ABLIM1: variants seen among roughly 807,000 people sequenced by gnomAD.
The protein encoded by ABLIM1 is actin-binding LIM protein 1.
In ABLIM1, 40 loss-of-function variants were observed where a neutral mutation model predicts 107.0. That is an observed-to-expected ratio of 0.37 (90% confidence interval 0.29 to 0.49). The LOEUF (loss-of-function observed/expected upper bound fraction) is 0.49, where lower values mean the gene tolerates loss of function less well. ABLIM1 is among the 20% of genes least tolerant of loss of function. The probability of loss-of-function intolerance (pLI) is 0.97; values close to 1 mark genes in which losing one functional copy is unlikely to be tolerated. For missense variants in ABLIM1, 857 were observed against 1,008.5 expected, an observed-to-expected ratio of 0.85 and a Z score of 2.04; for synonymous variants, 357 against 357.3, an observed-to-expected ratio of 1.00 and a Z score of 0.01.
intron 1 of ABLIM1, among the ~76,000 whole-genome samples, chr10:114,615,109 T>C (rs2077048300): frequency 6.6e-6 from 1 of 151,842 alleles, no homozygotes; most frequent in East Asian, 1.9e-4. Context: ...CTTCAAATAG[T>C]GTGGACTGTC....
At chr10:114,654,475 T>A (rs1293902095) in intron 1 of ABLIM1, among the ~76,000 whole-genome samples, 1 of 152,130 alleles carries the variant, frequency 6.6e-6, no homozygotes. Flanking sequence ...ATTTTTATCT[T>A]TTTTTACAAT....
chr10:114,530,003 G>T (rs926808358), intron 6 of ABLIM1, among the ~76,000 whole-genome samples: 1 of 152,190 alleles, frequency 6.6e-6, no homozygotes, highest in Non-Finnish European at 1.5e-5. Context: ...CTCCATTGTG[G>T]ATGCCAAGAG....
chr10:114,651,391 A>G (rs187304259), intron 1 of ABLIM1, among the ~76,000 whole-genome samples: 56 of 152,278 alleles, frequency 3.7e-4, no homozygotes, highest in Non-Finnish European at 5.9e-4. Flanking sequence ...GGCAAGAGGT[A>G]AGATCAGGCC....
At chr10:114,673,110 T>C (rs1430334418) in intron 1 of ABLIM1, among the ~76,000 whole-genome samples, 1 of 151,762 alleles carries the variant, frequency 6.6e-6, no homozygotes, top group Non-Finnish European at 1.5e-5. Flanking sequence ...ATACAAAAAT[T>C]AGCCAGTCGT....
intron 9 of ABLIM1, among the ~76,000 whole-genome samples, chr10:114,473,581 AT>A (rs1292259548): frequency 7.3e-6 from 1 of 137,452 alleles, no homozygotes; most frequent in African/African-American, 2.5e-5. Context: ...TCTATATGCA[AT>A]TTAGGTGCAA....
At chr10:114,568,300 G>T (rs2071101641) in intron 4 of ABLIM1, among the ~76,000 whole-genome samples, 1 of 151,656 alleles carries the variant, frequency 6.6e-6, no homozygotes, top group African/African-American at 2.4e-5. Context: ...TTAATACCTA[G>T]GTGATGGGTT....
chr10:114,463,036 C>T (rs763822340), intron 12 of ABLIM1: 2 of 1,329,866 alleles, frequency 1.5e-6, no homozygotes, highest in South Asian at 2.4e-5. Flanking sequence ...GAGAAACCTG[C>T]CTCCTTACCT....
chr10:114,726,892 G>A (rs1406939612), intron 1 of ABLIM1, among the ~76,000 whole-genome samples: 1 of 152,130 alleles, frequency 6.6e-6, no homozygotes, highest in African/African-American at 2.4e-5. Context: ...CCAACAATGG[G>A]GGCTACATTT....
At chr10:114,517,007 T>C (rs534622623) in intron 6 of ABLIM1, among the ~76,000 whole-genome samples, 25 of 152,278 alleles carry the variant, frequency 1.6e-4, no homozygotes, top group Admixed American at 1.6e-3. Flanking sequence ...TTTTTTGTTG[T>C]TGCTTTTTAT....
intron 1 of ABLIM1, among the ~76,000 whole-genome samples, chr10:114,710,202 T>G (rs1010560436): frequency 5.9e-5 from 9 of 152,210 alleles, no homozygotes; most frequent in Admixed American, 2.6e-4. Flanking sequence ...ATCAGAATTG[T>G]ATTACAGTGC....
chr10:114,608,548 A>C (rs1488645903), intron 1 of ABLIM1, among the ~76,000 whole-genome samples: 2 of 151,700 alleles, frequency 1.3e-5, no homozygotes, highest in Admixed American at 6.6e-5. Flanking sequence ...GTATGCCTGT[A>C]ATCCCAGCTA....
the ABLIM1 span, among the ~76,000 whole-genome samples, chr10:114,790,895 G>C: frequency 2.0e-5 from 3 of 152,076 alleles, no homozygotes; most frequent in Non-Finnish European, 2.9e-5. Context: ...ACACACAAAT[G>C]CCCTAAAATT....
chr10:114,470,855 C>T (rs59238725), intron 10 of ABLIM1, among the ~76,000 whole-genome samples: 3,504 of 151,368 alleles, frequency 0.023, 144 homozygotes, highest in African/African-American at 0.082. Flanking sequence ...TTCTTTTTTT[C>T]TTTTTTTGTG....
chr10:114,676,075 T>C (rs533291643), intron 1 of ABLIM1, among the ~76,000 whole-genome samples: 1 of 152,336 alleles, frequency 6.6e-6, no homozygotes, highest in East Asian at 1.9e-4. Flanking sequence ...TTCAGCGTCC[T>C]TTGTGAGGAC....
chr10:114,638,343 G>A (rs988375289), intron 1 of ABLIM1, among the ~76,000 whole-genome samples: 1 of 152,068 alleles, frequency 6.6e-6, no homozygotes, highest in Non-Finnish European at 1.5e-5. Flanking sequence ...GGCCAAAGAG[G>A]AACTTCATCA....
chr10:114,775,588 T>C, the ABLIM1 span, among the ~76,000 whole-genome samples: 1 of 152,234 alleles, frequency 6.6e-6, no homozygotes, highest in Non-Finnish European at 1.5e-5. Context: ...TATGGGATTA[T>C]TGAAGACACA....
intron 6 of ABLIM1, among the ~76,000 whole-genome samples, chr10:114,521,164 G>A (rs146405964): frequency 1.3e-5 from 2 of 152,332 alleles, no homozygotes; most frequent in East Asian, 3.9e-4. Context: ...GCAAAAGCCT[G>A]TGATGAACCT....
chr10:114,738,113 A>G (rs555681842), intron 1 of ABLIM1, among the ~76,000 whole-genome samples: 1 of 152,290 alleles, frequency 6.6e-6, no homozygotes, highest in Admixed American at 6.5e-5. Context: ...CAGTGGCGCG[A>G]TCTTGGCTCA....
chr10:114,442,104 CTA>C (rs1035799666), intron 17 of ABLIM1, among the ~76,000 whole-genome samples: 4 of 152,138 alleles, frequency 2.6e-5, no homozygotes, highest in Non-Finnish European at 5.9e-5. Flanking sequence ...CCTAATAACA[CTA>C]TGATTATTAG....
Sources: gnomAD v4.1 joint callset for allele counts (sites outside exome capture counted in the v4.1 genomes callset) on GRCh38, gnomAD v4.1.1 for gene constraint, MANE v1.5 for transcripts, NCBI Gene and HGNC (gene_info 2026-07-23, HGNC 2026-07-21) for gene names.